MARVELD2: variants seen among roughly 807,000 people sequenced by gnomAD.
The protein encoded by MARVELD2 is MARVEL domain-containing protein 2.
Under a neutral mutation model 57.6 loss-of-function variants are expected in MARVELD2, and 49 were observed. The observed-to-expected ratio is 0.85, with a 90% CI of 0.68 to 1.08. The LOEUF (loss-of-function observed/expected upper bound fraction) is 1.08. Among genes scored for constraint, MARVELD2 ranks in the 50% least tolerant of loss-of-function variants. The probability of loss-of-function intolerance (pLI) is 0.00; values close to 1 mark genes in which losing one functional copy is unlikely to be tolerated. For synonymous variants in MARVELD2, 238 were observed against 258.8 expected (o/e 0.92, Z 0.77); for missense variants, 606 against 701.1 (o/e 0.86, Z 1.53).
chr5:69,431,264 G>A (rs299076), intron 3 of MARVELD2, among the ~76,000 whole-genome samples: 75,405 of 151,476 alleles, frequency 0.5, 18,786 homozygotes, highest in South Asian at 0.54. Context: ...ACAGGCGCCC[G>A]CCACTATGCC....
chr5:69,424,087 C>T (rs1716450192), intron 2 of MARVELD2, among the ~76,000 whole-genome samples: 2 of 152,084 alleles, frequency 1.3e-5, no homozygotes, highest in African/African-American at 2.4e-5. Context: ...GAATGATCAA[C>T]ATAATACTTT....
intron 2 of MARVELD2, among the ~76,000 whole-genome samples, chr5:69,424,082 A>T (rs1766709430): frequency 6.6e-6 from 1 of 152,192 alleles, no homozygotes; most frequent in African/African-American, 2.4e-5. Flanking sequence ...GAATAGAATG[A>T]TCAACATAAT....
chr5:69,418,962 G>A (rs1223298715), intron 1 of MARVELD2: 2 of 169,802 alleles, frequency 1.2e-5, no homozygotes, highest in African/African-American at 4.8e-5. Context: ...GAGACTCACT[G>A]TGTCAGCCAG....
intron 3 of MARVELD2, among the ~76,000 whole-genome samples, chr5:69,431,830 C>CTTTTTTTT (rs904263527): frequency 4.0e-4 from 39 of 97,850 alleles, no homozygotes; most frequent in African/African-American, 5.0e-4. Context: ...TCTTCTTCTT[C>CTTTTTTTT]TTTTTTTTTT....
intron 1 of MARVELD2, among the ~76,000 whole-genome samples, chr5:69,418,350 T>C (rs1030088262): frequency 1.3e-5 from 2 of 152,218 alleles, no homozygotes; most frequent in African/African-American, 4.8e-5. Context: ...TCCTTCTTTC[T>C]GTATATGGGT....
intron 6 of MARVELD2, 117 bp from the exon 7 acceptor site, chr5:69,441,415 A>G: frequency 8.3e-7 from 1 of 1,202,358 alleles, no homozygotes; most frequent in South Asian, 1.4e-5. Flanking sequence ...CCCTGAGTTC[A>G]GAATCTGCTG....
At position 69,420,327 on chromosome 5, in the gene MARVELD2, T is replaced by C. The variant is rs1481508622; in HGVS notation, c.942T>C (p.Asp314=). Residue 314 remains aspartate, a synonymous_variant, in exon 2 of 7, where the codon GAT becomes GAC. Transcript: ENST00000325631. ...CCGCAGCCATAGTCTATGTGAATGATACCAACCGAGGTGGCCTCTGCTACT... is the reference window on the plus strand; with the variant it reads ...CCGCAGCCATAGTCTATGTGAATGACACCAACCGAGGTGGCCTCTGCTACT... ...YMAAAIVYVN[D]TNRGGLCYYP... 2 of 1,614,240 alleles carry C rather than the reference T, an allele frequency of 1.2e-6. No individual in the cohort carries two copies. The highest frequency in any genetic ancestry group is 2.7e-5 in the African/African-American group (2 of 75,068).
At position 69,424,726 on chromosome 5, in the gene MARVELD2, T is replaced by C. The variant is rs997605853; in HGVS notation, c.1182+90T>C. ...TATCTACATAGTAGTATCGTACATC[T>C]GTGAAATGTAGCTATTGGCCAGGTG... On this transcript the variant is annotated intron_variant, in intron 3 of 6. Transcript: ENST00000325631. 14 of 1,067,614 alleles carry C rather than the reference T, an allele frequency of 1.3e-5. No homozygotes were observed. The Admixed American group carries it at 2.7e-4, about 20-fold the overall frequency. The allele number at this position is 1,067,614 out of a possible 1,614,324, so 66.1% of individuals were successfully genotyped here.
Position 69,419,726 on chromosome 5 carries a change from A to G in MARVELD2, c.341A>G (p.Glu114Gly). Residue 114 changes from glutamate (E) to glycine (G), a missense_variant, in exon 2 of 7, where the codon GAG becomes GGG. Transcript: ENST00000325631. ...SDIRYISDGV[E>G]CSPPASPARP... ...ATCAGGTACATCTCCGATGGAGTGGAGTGTTCACCACCAGCCTCTCCAGCA... is the reference window on the plus strand; with the variant it reads ...ATCAGGTACATCTCCGATGGAGTGGGGTGTTCACCACCAGCCTCTCCAGCA... 1 of 1,614,104 alleles carries G rather than the reference A, an allele frequency of 6.2e-7. No individual in the cohort carries two copies. Among genetic ancestry groups the G allele is most frequent in the African/African-American group, 1.3e-5 (1 of 75,032 alleles).
intron 5 of MARVELD2, among the ~76,000 whole-genome samples, chr5:69,438,202 A>T (rs1452558819): frequency 6.6e-6 from 1 of 152,104 alleles, no homozygotes; most frequent in Admixed American, 6.6e-5. Context: ...TGAGCCCATA[A>T]AGTAGAAATA....
At chr5:69,426,909 C>T (rs1385025847) in intron 3 of MARVELD2, among the ~76,000 whole-genome samples, 2 of 152,142 alleles carry the variant, frequency 1.3e-5, no homozygotes, top group African/African-American at 4.8e-5. Context: ...CCTCCTGCCT[C>T]AGCCTCCCAA....
chr5:69,419,947 T>C lies in MARVELD2; in HGVS notation c.562T>C (p.Ser188Pro), dbSNP rs1330564014. Residue 188 changes from serine to proline, a missense_variant, in exon 2 of 7, where the codon TCG (serine) becomes CCG (proline). Coordinates refer to ENST00000325631, the MANE Select transcript of MARVELD2 (RefSeq NM_001038603.3). ...EYNLRYSYMKSWAGLLRILGV... is the reference protein window; with the variant it reads ...EYNLRYSYMKPWAGLLRILGV... ...TAACCTGAGATACTCCTACATGAAGTCGTGGGCAGGCCTGCTGAGAATACT... is the reference window on the plus strand; with the variant it reads ...TAACCTGAGATACTCCTACATGAAGCCGTGGGCAGGCCTGCTGAGAATACT... 20 of 1,613,994 alleles carry C rather than the reference T, an allele frequency of 1.2e-5. No individual in the cohort carries two copies. Among genetic ancestry groups the C allele is most frequent in the Non-Finnish European group, 1.6e-5 (19 of 1,180,002 alleles).
chr5:69,439,715 C>T (rs1489323567), intron 5 of MARVELD2, among the ~76,000 whole-genome samples: 1 of 151,716 alleles, frequency 6.6e-6, no homozygotes, highest in East Asian at 1.9e-4. Context: ...GATCACGCCA[C>T]TGTACTCCAG....
intron 5 of MARVELD2, among the ~76,000 whole-genome samples, chr5:69,436,925 C>T (rs1767161988): frequency 6.6e-6 from 1 of 151,904 alleles, no homozygotes; most frequent in African/African-American, 2.4e-5. Flanking sequence ...GAGTTCCAGA[C>T]CAGCCTGACC....
chr5:69,432,910 T>A lies in MARVELD2; in HGVS notation c.1332-12T>A. On this transcript the variant is annotated splice_polypyrimidine_tract_variant and intron_variant, in intron 4 of 6. Transcript: ENST00000325631. ...GAAACAATTATATCTTTGGCTTATG[T>A]TTTTCCCCTAGAAAATACCCTGTGA... 6.2e-7 allele frequency: 1 copy of A among 1,614,166 alleles called. No homozygotes were observed. Among genetic ancestry groups the A allele is most frequent in the South Asian group, 1.1e-5 (1 of 91,090 alleles).
chr5:69,442,520 G>T lies in MARVELD2; in HGVS notation c.*866G>T, dbSNP rs1767356470. 6.6e-6 allele frequency: 1 copy of T among 152,272 alleles called. No homozygotes were observed. The highest frequency in any genetic ancestry group is 2.4e-5 in the African/African-American group (1 of 41,566). 9.4% of individuals were successfully genotyped at this position (152,272 alleles called of 1,614,324 possible). On this transcript the variant is annotated 3_prime_UTR_variant, in exon 7 of 7. Transcript: ENST00000325631. ...TAGGATTAAAGGAGTTACTAATATG[G>T]TAGGAACTATATTAGTGTTTGTGAA... is the stretch of plus-strand genomic sequence containing the variant.
chr5:69,421,404 T>G (rs1485743651), intron 2 of MARVELD2, among the ~76,000 whole-genome samples: 1 of 152,190 alleles, frequency 6.6e-6, no homozygotes, highest in African/African-American at 2.4e-5. Context: ...CCTTAAAATT[T>G]TTTGTAATTT....
At chr5:69,417,989 T>C (rs1766482718) in intron 1 of MARVELD2, among the ~76,000 whole-genome samples, 1 of 151,022 alleles carries the variant, frequency 6.6e-6, no homozygotes, top group Non-Finnish European at 1.5e-5. Flanking sequence ...GCACCTGTAG[T>C]CCCAGCTACT....
At position 69,441,394 on chromosome 5, in the gene MARVELD2, C is replaced by T. The variant is rs184475270; in HGVS notation, c.1555-138C>T. 1.8e-5 allele frequency: 17 copies of T among 959,030 alleles called. No homozygotes were observed. The African/African-American group carries it at 2.5e-4, about 14-fold the overall frequency. The allele number at this position is 959,030 out of a possible 1,614,324, so 59.4% of individuals were successfully genotyped here. On this transcript the variant is annotated intron_variant, in intron 6 of 6. Coordinates refer to ENST00000325631, the MANE Select transcript of MARVELD2 (RefSeq NM_001038603.3). ...GTACATTTAAAAAATATGTAGAGAG[C>T]TTAACTGTTACCCTGAGTTCAGAAT...
Sources: gnomAD v4.1 joint callset for allele counts (sites outside exome capture counted in the v4.1 genomes callset) on GRCh38, gnomAD v4.1.1 for gene constraint, MANE v1.5 for transcripts, NCBI Gene and HGNC (gene_info 2026-07-23, HGNC 2026-07-21) for gene names.